Variants in TTC24 observed in about 807,000 individuals in gnomAD.
TTC24 encodes tetratricopeptide repeat protein 24.
In TTC24, 54 loss-of-function variants were observed where a neutral mutation model predicts 63.3. That is an observed-to-expected ratio of 0.85 (90% CI 0.69 to 1.07). The LOEUF (loss-of-function observed/expected upper bound fraction) is 1.07, where lower values mean the gene tolerates loss of function less well. Ranked by LOEUF, TTC24 falls within the 50% of genes least tolerant of loss-of-function variation. The pLI is 0.00. For missense variants in TTC24, 680 were observed against 730.5 expected, an observed-to-expected ratio of 0.93 and a Z score of 0.80; for synonymous variants, 276 against 304.3, an observed-to-expected ratio of 0.91 and a Z score of 0.97.
intron 10 of TTC24, 24 bp from the exon 11 acceptor site, chr1:156,586,445 C>A: frequency 6.3e-7 from 1 of 1,594,248 alleles, no homozygotes; most frequent in Non-Finnish European, 8.5e-7. Context: ...CCCCCACTGG[C>A]AAGCCCCTCC....
intron 10 of TTC24, 97 bp from the exon 11 acceptor site, chr1:156,586,372 G>A: frequency 8.4e-6 from 9 of 1,065,722 alleles, no homozygotes; most frequent in South Asian, 1.4e-5. Flanking sequence ...CAGAGGTAAG[G>A]GCCAAATAGG....
At position 156,581,947 on chromosome 1, in the gene TTC24, C is replaced by T; in HGVS notation, c.583C>T (p.Leu195=). The change falls in exon 2 of 11, where the codon CTG becomes TTG. Residue 195 remains leucine, a synonymous_variant. Coordinates refer to ENST00000368236, the MANE Select transcript of TTC24 (RefSeq NM_001105669.4). ...AQERQLRAAA[L]ALGAAAGCML... ...AGAGAGACAGCTGCGGGCCGCAGCC[C>T]TGGCACTGGGGGCTGCGGCAGGATG... is the stretch of plus-strand genomic sequence containing the variant. 6.5e-7 allele frequency: 1 copy of T among 1,539,828 alleles called. No individual in the cohort carries two copies. The highest frequency in any genetic ancestry group is 1.4e-5 in the African/African-American group (1 of 72,376).
At chr1:156,585,272 C>T in intron 8 of TTC24, 41 bp downstream of exon 8, 1 of 1,513,524 alleles carries the variant, frequency 6.6e-7, no homozygotes, top group Non-Finnish European at 9.0e-7. Flanking sequence ...CCTCTCCTTA[C>T]TGCAAATATG....
At chr1:156,586,337 T>TC (rs768369651) in intron 10 of TTC24, 132 bp from the exon 11 acceptor site, 9 of 745,454 alleles carry the variant, frequency 1.2e-5, no homozygotes, top group Non-Finnish European at 2.0e-5. Context: ...TTAAGCCAAC[T>TC]CCCTCCTTCT....
rs140863311 is a variant in TTC24 at position 156,585,821 on chromosome 1, T to A, written c.1565T>A (p.Ile522Asn). 7.4e-6 allele frequency: 12 copies of A among 1,612,680 alleles called. No homozygotes were observed. In the African/African-American group the frequency reaches 1.3e-4, roughly 18 times the overall value. ...CRGTVLGKAS[I>N]YSPGPRAHLP... is the part of the protein sequence containing the mutation. ...GGGACAGTCCTCGGCAAAGCCTCCA[T>A]CTATAGTGAGCAGTGCATCCCCTGA... is the stretch of plus-strand genomic sequence containing the variant. The change falls in exon 9 of 11, where the codon ATC becomes AAC. Residue 522 changes from isoleucine to asparagine, a missense_variant. Transcript: ENST00000368236.
intron 1 of TTC24, among the ~76,000 whole-genome samples, chr1:156,579,988 A>G (rs1273428472): frequency 3.3e-5 from 5 of 152,162 alleles, no homozygotes; most frequent in Non-Finnish European, 5.9e-5. Context: ...TCTTTTTCCC[A>G]TCTCCTGGGA....
chr1:156,583,743 A>G lies in TTC24; in HGVS notation c.1153-54A>G, dbSNP rs1677072124. The stretch of plus-strand genomic sequence containing the variant: ...TGTTTCCTTCTTCCCCAACCCCCAG[A>G]GGACCATAAGGTCCAGGCATTCCCC... On this transcript the variant is annotated intron_variant, in intron 5 of 10. Coordinates refer to ENST00000368236, the MANE Select transcript of TTC24 (RefSeq NM_001105669.4). The surrounding 1 kb of genome is among the most constrained non-coding windows in gnomAD (Gnocchi z 4.0). 3.1e-6 allele frequency: 4 copies of G among 1,281,304 alleles called. No homozygotes were observed. The highest frequency in any genetic ancestry group is 4.4e-6 in the Non-Finnish European group (4 of 912,670). The allele number at this position is 1,281,304 out of a possible 1,614,324, so 79.4% of individuals were successfully genotyped here.
rs565288472 is a variant in TTC24 at position 156,582,283 on chromosome 1, G to A, written c.759G>A (p.Pro253=). The A allele has an allele frequency of 1.0e-4, 159 of 1,562,716 alleles. 1 individual carries two copies. Among genetic ancestry groups the A allele is most frequent in the Middle Eastern group, 5.0e-4 (3 of 6,002 alleles). ...GCTACTCCCAGCTCCAGCTGTTCCC[G>A]CTGGCCGTGGAGGCCTTCCTGCAGG... ...GLGYSQLQLF[P]LAVEAFLQAL... is the part of the protein sequence containing the mutation. Residue 253 remains proline, a synonymous_variant, in exon 3 of 11, where the codon CCG becomes CCA. Coordinates refer to ENST00000368236, the MANE Select transcript of TTC24 (RefSeq NM_001105669.4).
Position 156,585,829 on chromosome 1 carries a change from G to A in TTC24, c.1570+3G>A. ...CCTCGGCAAAGCCTCCATCTATAGT[G>A]AGCAGTGCATCCCCTGACACCGCCC... On this transcript the variant is annotated splice_donor_region_variant and intron_variant, in intron 9 of 10. Coordinates refer to ENST00000368236, the MANE Select transcript of TTC24 (RefSeq NM_001105669.4). The A allele has an allele frequency of 6.2e-7, 1 of 1,610,058 alleles. No homozygotes were observed. Among genetic ancestry groups the A allele is most frequent in the Non-Finnish European group, 8.5e-7 (1 of 1,176,338 alleles).
In TTC24 at chr1:156,585,198, G is replaced by A. The variant is rs777806860; in HGVS notation, c.1423G>A (p.Val475Ile). ...GAAAAAAGAGGAGAGGTCGGCAAAC[G>A]TTCCGGTGAGGGCTGGGCCGGGAAG... ...QKKKEERSAN[V>I]PVRAGPGRPE... Residue 475 changes from valine (V) to isoleucine (I), a missense_variant, in exon 8 of 11, where the codon GTT becomes ATT. Physicochemically the swap from Val to Ile is conservative, Grantham distance 29. Transcript: ENST00000368236. 8 of 1,613,186 alleles carry A rather than the reference G, an allele frequency of 5.0e-6. No homozygotes were observed. The highest frequency in any genetic ancestry group is 5.1e-6 in the Non-Finnish European group (6 of 1,179,654).
At position 156,581,629 on chromosome 1, in the gene TTC24, T is replaced by A; in HGVS notation, c.265T>A (p.Tyr89Asn). 1 of 1,551,606 alleles carries A rather than the reference T, an allele frequency of 6.4e-7. No individual in the cohort carries two copies. The highest frequency in any genetic ancestry group is 1.2e-5 in the South Asian group (1 of 84,060). Reference protein sequence around the residue: ...QACAFNLGAAYVETGDPARGL... With the variant: ...QACAFNLGAANVETGDPARGL... ...CTGCGCCTTCAACCTGGGGGCTGCC[T>A]ATGTGGAGACTGGGGACCCAGCCAG... is the stretch of plus-strand genomic sequence containing the variant. Residue 89 changes from tyrosine (Y) to asparagine (N), a missense_variant, in exon 2 of 11, where the codon TAT (tyrosine) becomes AAT (asparagine). Coordinates refer to ENST00000368236, the MANE Select transcript of TTC24 (RefSeq NM_001105669.4).
In TTC24 at chr1:156,586,596, A is replaced by G; in HGVS notation, c.*46A>G. On this transcript the variant is annotated 3_prime_UTR_variant, in exon 11 of 11. Coordinates refer to ENST00000368236, the MANE Select transcript of TTC24 (RefSeq NM_001105669.4). ...CCCTCATCCCTGAAGCACCTGTCCA[A>G]CACGCACACACTAGGGGGTCCTGGG... The G allele has an allele frequency of 1.3e-6, 2 of 1,537,748 alleles. No homozygotes were observed. Among genetic ancestry groups the G allele is most frequent in the South Asian group, 2.3e-5 (2 of 86,788 alleles).
chr1:156,579,926 A>G (rs886298919), intron 1 of TTC24, among the ~76,000 whole-genome samples, 168 bp downstream of exon 1: 1 of 152,200 alleles, frequency 6.6e-6, no homozygotes, highest in African/African-American at 2.4e-5. Context: ...AAAAGGGGAA[A>G]AAAAGGATAA....
At chr1:156,586,224 C>A (rs1055188153) in intron 10 of TTC24, among the ~76,000 whole-genome samples, 179 bp downstream of exon 10, 1 of 152,182 alleles carries the variant, frequency 6.6e-6, no homozygotes, top group East Asian at 1.9e-4. Flanking sequence ...TGTGAACAAC[C>A]CTCACCCGGC....
chr1:156,584,890 G>T lies in TTC24; in HGVS notation c.1265G>T (p.Gly422Val). Reference sequence around the variant, plus strand: ...CTTCATTCCCAGACTTCGGCTCCGGGAAGACTCCAGGCTCCAGGTGGGGCC... The same window carrying T: ...CTTCATTCCCAGACTTCGGCTCCGGTAAGACTCCAGGCTCCAGGTGGGGCC... The part of the protein sequence containing the change: ...VQTHTLTSAP[G>V]RLQAPGGASQ... The change falls in exon 7 of 11, where the codon GGA becomes GTA. Residue 422 changes from glycine to valine, a missense_variant. Transcript: ENST00000368236. The T allele has an allele frequency of 6.3e-7, 1 of 1,585,388 alleles. No homozygotes were observed. Among genetic ancestry groups the T allele is most frequent in the Non-Finnish European group, 8.6e-7 (1 of 1,167,360 alleles).
chr1:156,585,661 G>T, intron 8 of TTC24, 52 bp from the exon 9 acceptor site: 10 of 1,318,042 alleles, frequency 7.6e-6, no homozygotes, highest in Non-Finnish European at 1.1e-5. Flanking sequence ...AGGGAGCAGA[G>T]TTCTTTGCTA....
At position 156,584,905 on chromosome 1, in the gene TTC24, C is replaced by T. The variant is rs745461782; in HGVS notation, c.1280C>T (p.Pro427Leu). The change falls in exon 7 of 11, where the codon CCA becomes CTA. Residue 427 changes from proline (P) to leucine (L), a missense_variant. Coordinates refer to ENST00000368236, the MANE Select transcript of TTC24 (RefSeq NM_001105669.4). ...LTSAPGRLQAPGGASQAEGTP... is the reference protein window; with the variant it reads ...LTSAPGRLQALGGASQAEGTP... ...TCGGCTCCGGGAAGACTCCAGGCTC[C>T]AGGTGGGGCCAGCCAGGCGGAGGGG... 4 of 1,598,224 alleles carry T rather than the reference C, an allele frequency of 2.5e-6. No individual in the cohort carries two copies. The Admixed American group carries it at 7.0e-5, about 28-fold the overall frequency.
At position 156,581,391 on chromosome 1, in the gene TTC24, G is replaced by C; in HGVS notation, c.27G>C (p.Val9=). 1 of 1,521,474 alleles carries C rather than the reference G, an allele frequency of 6.6e-7. No individual in the cohort carries two copies. Among genetic ancestry groups the C allele is most frequent in the Non-Finnish European group, 8.8e-7 (1 of 1,132,746 alleles). 94.2% of individuals were successfully genotyped at this position (1,521,474 alleles called of 1,614,324 possible). A position where few individuals can be genotyped will look rare whatever the true frequency, so the allele number is the denominator to read the frequency against. MSSPNPED[V]PRRPEPEPSS... ...TGTCTTCCCCCAACCCTGAGGATGT[G>C]CCCCGGAGGCCAGAACCTGAGCCCT... The change falls in exon 2 of 11, where the codon GTG becomes GTC. Residue 9 remains valine (V), a synonymous_variant. Transcript: ENST00000368236.
rs901911714 is a variant in TTC24, at chr1:156,581,249, A to G, written c.-4-112A>G. 1.7e-5 allele frequency: 12 copies of G among 714,054 alleles called. No individual in the cohort carries two copies. The Admixed American group carries it at 2.8e-4, about 16-fold the overall frequency. The allele number at this position is 714,054 out of a possible 1,614,324, so 44.2% of individuals were successfully genotyped here. A position where few individuals can be genotyped will look rare whatever the true frequency, so the allele number is the denominator to read the frequency against. On this transcript the variant is annotated intron_variant, in intron 1 of 10. Coordinates refer to ENST00000368236, the MANE Select transcript of TTC24 (RefSeq NM_001105669.4). ...GTGAGAGATCAGAGAGCAATCCTTG[A>G]AACCCTGAGGGTCATGCTAGGGCAG...
Sources: gnomAD v4.1 joint callset for allele counts (sites outside exome capture counted in the v4.1 genomes callset) on GRCh38, gnomAD v4.1.1 for gene constraint, Gnocchi (gnomAD v3.1) non-coding constraint, MANE v1.5 for transcripts, NCBI Gene and HGNC (gene_info 2026-07-23, HGNC 2026-07-21) for gene names.